The following DLGAP1 variants were observed in gnomAD, a reference collection of about 807,000 sequenced individuals.
DLGAP1 encodes disks large-associated protein 1.
A neutral mutation model predicts 90.8 loss-of-function variants in DLGAP1; 11 were observed. The ratio of observed to expected loss-of-function variants is 0.12; its 90% confidence interval spans 0.08 to 0.20. The LOEUF (loss-of-function observed/expected upper bound fraction) is 0.20. DLGAP1 is among the 10% of genes least tolerant of loss of function. The pLI is 1.00. For synonymous variants in DLGAP1, 558 were observed against 540.7 expected (o/e 1.03, Z -0.44); for missense variants, 1,050 against 1,333.8 (o/e 0.79, Z 3.31).
chr18:4,189,539 C>G (rs1297680780), intron 1 of DLGAP1, among the ~76,000 whole-genome samples: 1 of 152,032 alleles, frequency 6.6e-6, no homozygotes, highest in African/African-American at 2.4e-5. Context: ...ATGCCAGTTT[C>G]CCCAGCTCAA....
intron 1 of DLGAP1, among the ~76,000 whole-genome samples, chr18:4,214,381 G>C (rs1188102598): frequency 6.6e-6 from 1 of 151,760 alleles, no homozygotes; most frequent in South Asian, 2.1e-4. Context: ...TTTATTCATA[G>C]GGTGGCCCAT....
At chr18:4,237,438 G>T (rs1391241188) in intron 1 of DLGAP1, among the ~76,000 whole-genome samples, 2 of 152,036 alleles carry the variant, frequency 1.3e-5, no homozygotes, top group Non-Finnish European at 2.9e-5. Context: ...AGAAATGAAA[G>T]ACAGAAAAAA....
chr18:3,978,488 A>G (rs1251984937), intron 3 of DLGAP1: 1 of 251,654 alleles, frequency 4.0e-6, no homozygotes, highest in Non-Finnish European at 8.0e-6. Context: ...CATGCAGACC[A>G]TGTCGTTGAG....
intron 1 of DLGAP1, among the ~76,000 whole-genome samples, chr18:4,167,290 G>A (rs958239634): frequency 6.6e-6 from 1 of 152,014 alleles, no homozygotes; most frequent in Non-Finnish European, 1.5e-5. Flanking sequence ...GCTGTTTGGA[G>A]GAGATTTATT....
intron 4 of DLGAP1, among the ~76,000 whole-genome samples, chr18:3,830,097 TA>T (rs2067948457): frequency 6.6e-6 from 1 of 152,364 alleles, no homozygotes; most frequent in South Asian, 2.1e-4. Flanking sequence ...AAAGGCCATG[TA>T]AGCAAAGTGA....
chr18:4,115,336 G>GTT (rs34812405), intron 2 of DLGAP1, among the ~76,000 whole-genome samples: 11 of 145,562 alleles, frequency 7.6e-5, no homozygotes, highest in African/African-American at 2.3e-4. Context: ...ATAATCTTAT[G>GTT]TTTTTTTTTT....
Position 4,388,600 on chromosome 18 carries a change from T to C in DLGAP1, c.-267+66406A>G, listed in dbSNP as rs139659423. Among the ~76,000 whole-genome samples the C allele has an allele frequency of 2.7e-3, 411 of 152,296 alleles. 7 individuals are homozygous for C. The highest frequency in any genetic ancestry group is 0.02 in the South Asian group (98 of 4,824). ...TGAAGAAAAATAAGGAGTCATGTTGTACTGAAACTATTGCAGGTAAGATGC... is the reference window on the plus strand; with the variant it reads ...TGAAGAAAAATAAGGAGTCATGTTGCACTGAAACTATTGCAGGTAAGATGC... On this transcript the variant is annotated intron_variant, in intron 1 of 12. Transcript: ENST00000315677.
chr18:3,620,090 C>T (rs1054221453), intron 7 of DLGAP1, among the ~76,000 whole-genome samples: 1 of 152,106 alleles, frequency 6.6e-6, no homozygotes, highest in Non-Finnish European at 1.5e-5. Flanking sequence ...AAAAAAAGGA[C>T]TTGGCAGATG....
chr18:4,287,278 T>C (rs575553977), intron 1 of DLGAP1, among the ~76,000 whole-genome samples: 26 of 152,124 alleles, frequency 1.7e-4, no homozygotes, highest in Non-Finnish European at 3.4e-4. Context: ...TGTGGAGAAA[T>C]AGGAACGCTT....
At chr18:3,662,742 T>C (rs2059728275) in intron 7 of DLGAP1, among the ~76,000 whole-genome samples, 1 of 152,226 alleles carries the variant, frequency 6.6e-6, no homozygotes, top group Admixed American at 6.5e-5. Flanking sequence ...GCCAAGGAAC[T>C]GGCAGCATGT....
chr18:3,580,557 C>G, intron 8 of DLGAP1: 1 of 1,594,708 alleles, frequency 6.3e-7, no homozygotes, highest in Non-Finnish European at 8.6e-7. Context: ...GTGGCAGAGC[C>G]AGAGGAGGGC....
intron 7 of DLGAP1, among the ~76,000 whole-genome samples, chr18:3,674,715 C>T (rs2060233883): frequency 6.6e-6 from 1 of 152,050 alleles, no homozygotes; most frequent in South Asian, 2.1e-4. Context: ...CTATCACCAC[C>T]CCACTGTCAT....
chr18:3,999,959 A>G (rs1352812119), intron 3 of DLGAP1, among the ~76,000 whole-genome samples: 1 of 152,168 alleles, frequency 6.6e-6, no homozygotes, highest in Non-Finnish European at 1.5e-5. Flanking sequence ...CTACAGGCAC[A>G]TGCCACTGCG....
rs544263111 is a variant in DLGAP1 at position 3,697,350 on chromosome 18, C to T, written c.1591+31785G>A. ...TTAGTGCTATAAATTTCCCTCTAAA[C>T]ACTTCTTTAGCTGTGTCCCAGAGAT... is the stretch of plus-strand genomic sequence containing the variant. On this transcript the variant is annotated intron_variant, in intron 7 of 12. Coordinates refer to ENST00000315677, the MANE Select transcript of DLGAP1 (RefSeq NM_004746.4). Among the ~76,000 whole-genome samples, 5 of 152,282 alleles carry T rather than the reference C, an allele frequency of 3.3e-5. No homozygotes were observed. The East Asian group carries it at 7.7e-4, about 23-fold the overall frequency.
At chr18:3,543,606 G>A (rs948327701) in intron 9 of DLGAP1, among the ~76,000 whole-genome samples, 2 of 152,210 alleles carry the variant, frequency 1.3e-5, no homozygotes, top group African/African-American at 4.8e-5. Flanking sequence ...GATGGAGTAA[G>A]AATGACTGAA....
In DLGAP1 at chr18:3,879,838, C is replaced by A; in HGVS notation, c.231G>T (p.Ser77=). The change falls in exon 4 of 13, where the codon TCG becomes TCT. Residue 77 remains serine, a synonymous_variant. Coordinates refer to ENST00000315677, the MANE Select transcript of DLGAP1 (RefSeq NM_004746.4). This position sits in a 1 kb window ranked among gnomAD's most constrained non-coding sequence, Gnocchi z 6.6. ...CACACTCGTCCTTCAGCTCTTGCTG[C>A]GAGGTGTAGTGCCTGCGGGGGAAGG... ...SSTFPRRHYT[S]QQELKDECAL... is the part of the protein sequence containing the mutation. The A allele has an allele frequency of 6.2e-7, 1 of 1,609,336 alleles. No homozygotes were observed. Among genetic ancestry groups the A allele is most frequent in the Non-Finnish European group, 8.5e-7 (1 of 1,179,764 alleles).
chr18:3,758,283 A>G (rs1012638204), intron 5 of DLGAP1, among the ~76,000 whole-genome samples: 43 of 152,182 alleles, frequency 2.8e-4, no homozygotes, highest in Non-Finnish European at 5.3e-4. Flanking sequence ...ACACTGCACA[A>G]TAAGTCTTGG....
At chr18:3,716,010 G>A (rs2061749092) in intron 7 of DLGAP1, among the ~76,000 whole-genome samples, 1 of 152,112 alleles carries the variant, frequency 6.6e-6, no homozygotes, top group African/African-American at 2.4e-5. Flanking sequence ...TAAAAATTTA[G>A]TATTGATTTT....
intron 1 of DLGAP1, among the ~76,000 whole-genome samples, chr18:4,408,477 CA>C (rs1567898501): frequency 6.6e-6 from 1 of 150,470 alleles, no homozygotes; most frequent in African/African-American, 2.4e-5. Flanking sequence ...AACAGAAAAC[CA>C]AAAAAGAATA....
Sources: gnomAD v4.1 joint callset for allele counts (sites outside exome capture counted in the v4.1 genomes callset) on GRCh38, gnomAD v4.1.1 for gene constraint, Gnocchi (gnomAD v3.1) non-coding constraint, MANE v1.5 for transcripts, NCBI Gene and HGNC (gene_info 2026-07-23, HGNC 2026-07-21) for gene names.